Variants in ANKS1B observed in about 807,000 individuals in gnomAD.
ANKS1B encodes ankyrin repeat and sterile alpha motif domain containing 1B.
ANKS1B carries 36 observed loss-of-function variants against 148.3 expected under a neutral mutation model. That is an observed-to-expected ratio of 0.24 (90% CI 0.19 to 0.32). ANKS1B has a LOEUF of 0.32. Ranked by LOEUF, ANKS1B falls within the 10% of genes least tolerant of loss-of-function variation. The probability of loss-of-function intolerance (pLI) is 1.00; values close to 1 mark genes in which losing one functional copy is unlikely to be tolerated. For synonymous variants in ANKS1B, 542 were observed against 560.8 expected (o/e 0.97, Z 0.47); for missense variants, 1,157 against 1,542.6 (o/e 0.75, Z 4.19).
chr12:99,177,646 C>A (rs2078570495), intron 14 of ANKS1B, among the ~76,000 whole-genome samples: 1 of 152,234 alleles, frequency 6.6e-6, no homozygotes, highest in African/African-American at 2.4e-5. Flanking sequence ...AGGTATTACC[C>A]TTGGCCTCCT....
intron 9 of ANKS1B, among the ~76,000 whole-genome samples, chr12:99,532,088 G>A (rs994386980): frequency 2.6e-5 from 4 of 151,354 alleles, no homozygotes; most frequent in Admixed American, 2.0e-4. Context: ...TATAGATTCT[G>A]CATATTAGTG....
chr12:99,009,061 A>T (rs1039837674), intron 17 of ANKS1B, among the ~76,000 whole-genome samples: 8 of 152,210 alleles, frequency 5.3e-5, no homozygotes, highest in African/African-American at 1.9e-4. Flanking sequence ...ATGCATTGAG[A>T]ATAGGTGAAG....
chr12:99,168,299 C>T (rs931756988), intron 14 of ANKS1B, among the ~76,000 whole-genome samples: 4 of 152,018 alleles, frequency 2.6e-5, no homozygotes, highest in Non-Finnish European at 4.4e-5. Flanking sequence ...GGTGGATCGC[C>T]TGAGGTCAAG....
chr12:99,692,089 T>A (rs905594959), intron 8 of ANKS1B, among the ~76,000 whole-genome samples: 1 of 152,194 alleles, frequency 6.6e-6, no homozygotes, highest in Non-Finnish European at 1.5e-5. Context: ...GGAAGTTTTT[T>A]ATAATTTTGC....
chr12:99,144,767 T>C (rs1361330399), intron 15 of ANKS1B, among the ~76,000 whole-genome samples: 1 of 151,874 alleles, frequency 6.6e-6, no homozygotes, highest in Non-Finnish European at 1.5e-5. Context: ...CCTAATCAAA[T>C]ATGACTGGTG....
intron 12 of ANKS1B, among the ~76,000 whole-genome samples, chr12:99,388,625 G>A (rs2093959954): frequency 6.6e-6 from 1 of 152,166 alleles, no homozygotes; most frequent in East Asian, 1.9e-4. Context: ...TTATCTCACA[G>A]TTTACAAGAG....
intron 8 of ANKS1B, among the ~76,000 whole-genome samples, chr12:99,696,012 GGA>G (rs2053851169): frequency 1.3e-5 from 2 of 151,872 alleles, no homozygotes; most frequent in Non-Finnish European, 2.9e-5. Context: ...CTGGGTGGAG[GGA>G]TCACTTGTAC....
At chr12:99,229,960 T>A (rs1187155737) in intron 14 of ANKS1B, among the ~76,000 whole-genome samples, 1 of 151,852 alleles carries the variant, frequency 6.6e-6, no homozygotes, top group Non-Finnish European at 1.5e-5. Context: ...GAAATCATTA[T>A]CCATAGTTTG....
chr12:99,650,308 CCTCT>C (rs72449649), intron 9 of ANKS1B, among the ~76,000 whole-genome samples: 1 of 152,024 alleles, frequency 6.6e-6, no homozygotes, highest in East Asian at 1.9e-4. Flanking sequence ...CTCTCTCTCT[CCTCT>C]CTCTCTCCAG....
At chr12:99,014,180 G>A (rs1003334979) in intron 17 of ANKS1B, among the ~76,000 whole-genome samples, 6 of 152,094 alleles carry the variant, frequency 3.9e-5, no homozygotes, top group African/African-American at 1.4e-4. Context: ...CAGACACAGA[G>A]ACCAATGGAA....
intron 12 of ANKS1B, among the ~76,000 whole-genome samples, chr12:99,316,866 C>G (rs1177142751): frequency 6.6e-6 from 1 of 152,162 alleles, no homozygotes; most frequent in African/African-American, 2.4e-5. Context: ...AGGAAGGAAT[C>G]CAGTTTCAGC....
intron 14 of ANKS1B, among the ~76,000 whole-genome samples, chr12:99,172,597 CAG>C (rs1406980878): frequency 6.6e-6 from 1 of 152,192 alleles, no homozygotes; most frequent in African/African-American, 2.4e-5. Context: ...CTGCAGAAGT[CAG>C]ACATGAGAGG....
At chr12:99,965,215 C>A (rs1410975879) in intron 1 of ANKS1B, among the ~76,000 whole-genome samples, 2 of 151,956 alleles carry the variant, frequency 1.3e-5, no homozygotes, top group African/African-American at 4.8e-5. Flanking sequence ...AAAGATGAGT[C>A]CTGGAACATT....
chr12:99,189,162 T>C (rs904610343), intron 14 of ANKS1B, among the ~76,000 whole-genome samples: 47 of 152,120 alleles, frequency 3.1e-4, no homozygotes, highest in African/African-American at 1.1e-3. Context: ...AATCCCTGAA[T>C]AGACCAACAA....
chr12:98,842,945 A>C lies in ANKS1B; in HGVS notation c.2779-10809T>G, dbSNP rs369393794. Among the ~76,000 whole-genome samples, 49 of 152,362 alleles carry C rather than the reference A, an allele frequency of 3.2e-4. No homozygotes were observed. The South Asian group carries it at 9.7e-3, about 30-fold the overall frequency. On this transcript the variant is annotated intron_variant, in intron 17 of 26. Transcript: ENST00000683438. ...TTAATCCTCCAAGTCATAACACTTC[A>C]GTAAAAATGTTTATGCTTTCTAAGT...
chr12:99,369,278 A>C (rs2092951231), intron 12 of ANKS1B, among the ~76,000 whole-genome samples: 1 of 152,210 alleles, frequency 6.6e-6, no homozygotes, highest in Non-Finnish European at 1.5e-5. Flanking sequence ...CTTTGGACCT[A>C]ATATCCAGGT....
intron 24 of ANKS1B, among the ~76,000 whole-genome samples, chr12:98,777,139 G>A (rs1330473579): frequency 6.6e-6 from 1 of 152,162 alleles, no homozygotes; most frequent in Non-Finnish European, 1.5e-5. Flanking sequence ...GTTACAGTGA[G>A]CCGTGGTGGC....
chr12:99,052,742 A>AG (rs2099967017), intron 17 of ANKS1B, among the ~76,000 whole-genome samples: 2 of 143,936 alleles, frequency 1.4e-5, no homozygotes. Flanking sequence ...CTCAAAAAAA[A>AG]AAAAAAAAAA....
At chr12:98,903,231 G>A (rs180683687) in intron 17 of ANKS1B, among the ~76,000 whole-genome samples, 4 of 152,084 alleles carry the variant, frequency 2.6e-5, no homozygotes, top group Admixed American at 6.5e-5. Flanking sequence ...CTCAACACCC[G>A]GTGCTCTATT....
Sources: allele counts gnomAD v4.1 joint callset (sites outside exome capture counted in the v4.1 genomes callset), GRCh38; gene constraint gnomAD v4.1.1; transcripts MANE v1.5; gene names NCBI Gene and HGNC (gene_info 2026-07-23, HGNC 2026-07-21).